Variants in CA5B observed in about 807,000 individuals in gnomAD.
CA5B encodes carbonic anhydrase 5B.
A neutral mutation model predicts 23.1 loss-of-function variants in CA5B; 15 were observed. That is an observed-to-expected ratio of 0.65 (90% confidence interval 0.43 to 1.00). The LOEUF (loss-of-function observed/expected upper bound fraction) is 1.00, where lower values mean the gene tolerates loss of function less well. Ranked by LOEUF, CA5B falls within the 50% of genes least tolerant of loss-of-function variation. The probability of loss-of-function intolerance (pLI) is 0.00; values close to 1 mark genes in which losing one functional copy is unlikely to be tolerated. For missense variants in CA5B, 236 were observed against 252.2 expected (o/e 0.94, Z 0.43); for synonymous variants, 84 against 98.5 (o/e 0.85, Z 0.87).
chrX:15,775,819 A>C (rs1189603006), intron 6 of CA5B: 1 of 729,721 alleles, frequency 1.4e-6, no homozygotes, highest in African/African-American at 2.5e-5. Flanking sequence ...CTCATCCCCC[A>C]CTGTATCCCT....
chrX:15,776,595 G>C (rs1214690099), intron 6 of CA5B, 119 bp from the exon 7 acceptor site: 3 of 523,478 alleles, frequency 5.7e-6, no homozygotes, highest in Admixed American at 5.8e-5. Flanking sequence ...GAAAGGCCTG[G>C]AGCTGCTCTG....
intron 2 of CA5B, among the ~76,000 whole-genome samples, chrX:15,752,677 A>G (rs1385356782): frequency 9.1e-6 from 1 of 109,917 alleles, no homozygotes; most frequent in Non-Finnish European, 1.9e-5. Context: ...GTGAGCCGAG[A>G]TCGCGCCACT....
At chrX:15,757,869 T>C (rs1463231782) in intron 2 of CA5B, among the ~76,000 whole-genome samples, 3 of 111,461 alleles carry the variant, frequency 2.7e-5, no homozygotes, top group African/African-American at 9.8e-5. Flanking sequence ...AGATGGGTTC[T>C]AATAGGAAAA....
chrX:15,753,851 G>C (rs773350900), intron 2 of CA5B, among the ~76,000 whole-genome samples: 1 of 112,469 alleles, frequency 8.9e-6, no homozygotes, highest in South Asian at 3.7e-4. Flanking sequence ...AGAGGTTCCA[G>C]GTGAGCTGAG....
At chrX:15,759,512 G>T (rs1397906858) in intron 2 of CA5B, among the ~76,000 whole-genome samples, 1 of 111,127 alleles carries the variant, frequency 9.0e-6, no homozygotes, top group Non-Finnish European at 1.9e-5. Context: ...CTCGATCTTG[G>T]ACTTCCCAGA....
chrX:15,775,763 T>G, intron 6 of CA5B: 1 of 753,313 alleles, frequency 1.3e-6, no homozygotes, highest in Non-Finnish European at 1.6e-6. Context: ...ATTCAGAATC[T>G]CAAAGGGCTG....
intron 3 of CA5B, among the ~76,000 whole-genome samples, chrX:15,768,079 G>T: frequency 1.9e-5 from 2 of 107,471 alleles, no homozygotes; most frequent in Middle Eastern, 4.9e-3. Flanking sequence ...TTGTATTTTA[G>T]TAGAGACGGG....
intron 2 of CA5B, among the ~76,000 whole-genome samples, chrX:15,764,156 G>A (rs778889823): frequency 9.0e-6 from 1 of 111,379 alleles, no homozygotes; most frequent in South Asian, 3.8e-4. Flanking sequence ...CAAGTCAGCA[G>A]CTAAAAGTAA....
intron 1 of CA5B, among the ~76,000 whole-genome samples, chrX:15,743,912 AAG>A (rs1309837504): frequency 8.9e-6 from 1 of 111,765 alleles, no homozygotes; most frequent in Non-Finnish European, 1.9e-5. Flanking sequence ...AAAGGAGAAA[AAG>A]AAAATCTTCA....
rs1166644655 is a variant in CA5B, at chrX:15,783,429, T to C, written c.*765T>C. The stretch of plus-strand genomic sequence containing the variant: ...CTTTTCCTATACCCAGAAATCCCTT[T>C]GCATTTCCGAAGATCAGATATTTTG... On this transcript the variant is annotated 3_prime_UTR_variant, in exon 8 of 8. Coordinates refer to ENST00000318636, the MANE Select transcript of CA5B (RefSeq NM_007220.4). The C allele has an allele frequency of 1.8e-5, 2 of 111,983 alleles. No homozygotes were observed. The highest frequency in any genetic ancestry group is 3.8e-5 in the Non-Finnish European group (2 of 53,215). 9.2% of individuals were successfully genotyped at this position (111,983 alleles called of 1,213,427 possible). A position where few individuals can be genotyped will look rare whatever the true frequency, so the allele number is the denominator to read the frequency against.
chrX:15,761,207 C>T lies in CA5B; in HGVS notation c.143-3371C>T, dbSNP rs1215547453. Among the ~76,000 whole-genome samples the T allele has an allele frequency of 3.6e-5, 4 of 111,540 alleles. No individual in the cohort carries two copies. The East Asian group carries it at 1.1e-3, about 31-fold the overall frequency. ...TTTTAAAATTTCTATTTTTATTTTA[C>T]ATTCAGGGTTTACATATGCAGATTT... On this transcript the variant is annotated intron_variant, in intron 2 of 7. Transcript: ENST00000318636.
At chrX:15,780,784 A>G in intron 7 of CA5B, among the ~76,000 whole-genome samples, 1 of 111,773 alleles carries the variant, frequency 8.9e-6, no homozygotes, top group Non-Finnish European at 1.9e-5. Flanking sequence ...CCGCTGTGTG[A>G]TATGTTCATT....
chrX:15,771,691 G>C (rs1931824213), intron 3 of CA5B, among the ~76,000 whole-genome samples: 1 of 108,647 alleles, frequency 9.2e-6, no homozygotes, highest in Admixed American at 9.9e-5. Flanking sequence ...ACCCGCTTCA[G>C]CCTCCCAAAG....
Position 15,782,614 on chromosome X carries a change from C to T in CA5B, c.904C>T (p.Leu302=). 1 of 1,206,087 alleles carries T rather than the reference C, an allele frequency of 8.3e-7. No individual in the cohort carries two copies. The stretch of plus-strand genomic sequence containing the variant: ...TTCATCCTTCCGGCATGATTATGTG[C>T]TGAATGTACAAGCGAAACCCAAGCC... The part of the protein sequence containing the change: ...VRSSFRHDYV[L]NVQAKPKPAT... The change falls in exon 8 of 8, where the codon CTG becomes TTG. Residue 302 remains leucine (L), a synonymous_variant. Transcript: ENST00000318636.
At chrX:15,744,333 C>A (rs1931181565) in intron 1 of CA5B, among the ~76,000 whole-genome samples, 1 of 112,578 alleles carries the variant, frequency 8.9e-6, no homozygotes, top group African/African-American at 3.2e-5. Context: ...AGGCCTCAGA[C>A]CCACCCCCGA....
At chrX:15,757,723 A>C (rs947503267) in intron 2 of CA5B, among the ~76,000 whole-genome samples, 5 of 109,024 alleles carry the variant, frequency 4.6e-5, no homozygotes, top group African/African-American at 6.7e-5. Flanking sequence ...AAAAAAAAAA[A>C]CCCCAAAGTA....
At chrX:15,744,967 G>A (rs182585647) in intron 1 of CA5B, among the ~76,000 whole-genome samples, 9 of 109,871 alleles carry the variant, frequency 8.2e-5, no homozygotes, top group Admixed American at 5.9e-4. Flanking sequence ...TCAGGAGTTC[G>A]AGACCAGCCT....
intron 1 of CA5B, among the ~76,000 whole-genome samples, chrX:15,749,247 A>G (rs755041490): frequency 8.9e-5 from 10 of 111,895 alleles, no homozygotes; most frequent in African/African-American, 3.2e-4. Flanking sequence ...TTCAAAGTTA[A>G]TATTACCATA....
At chrX:15,753,924 A>G (rs1189766499) in intron 2 of CA5B, among the ~76,000 whole-genome samples, 1 of 112,189 alleles carries the variant, frequency 8.9e-6, no homozygotes, top group African/African-American at 3.2e-5. Context: ...AAATAAATAA[A>G]TGAATTTCGG....
Sources: allele counts gnomAD v4.1 joint callset (sites outside exome capture counted in the v4.1 genomes callset), GRCh38; gene constraint gnomAD v4.1.1; transcripts MANE v1.5; gene names NCBI Gene and HGNC (gene_info 2026-07-23, HGNC 2026-07-21).